Variants in LIPA observed in about 807,000 individuals in gnomAD.
LIPA encodes the protein lysosomal acid lipase/cholesteryl ester hydrolase.
A neutral mutation model predicts 40.6 loss-of-function variants in LIPA; 26 were observed. That is an observed-to-expected ratio of 0.64 (90% confidence interval 0.47 to 0.89). The LOEUF is 0.89. Among genes scored for constraint, LIPA ranks in the 40% least tolerant of loss-of-function variants. The probability of loss-of-function intolerance (pLI) is 0.00; values close to 1 mark genes in which losing one functional copy is unlikely to be tolerated. For missense variants in LIPA, 455 were observed against 479.6 expected (o/e 0.95, Z 0.48); for synonymous variants, 188 against 168.4 (o/e 1.12, Z -0.90).
chr10:89,214,609 G>T lies in LIPA; in HGVS notation c.*219C>A, dbSNP rs1348763728. 1.5e-5 allele frequency: 8 copies of T among 526,268 alleles called. No individual in the cohort carries two copies. The highest frequency in any genetic ancestry group is 2.4e-5 in the Non-Finnish European group (7 of 294,686). 32.6% of individuals were successfully genotyped at this position (526,268 alleles called of 1,614,324 possible). A position where few individuals can be genotyped will look rare whatever the true frequency, so the allele number is the denominator to read the frequency against. On this transcript the variant is annotated 3_prime_UTR_variant, in exon 10 of 10. Transcript: ENST00000336233. ...CTTAAAGAGACAATACTATGGTTGA[G>T]ACACTGGCTTCCTATTCCAGCCCTA...
intron 2 of LIPA, among the ~76,000 whole-genome samples, chr10:89,368,926 T>TCACACACACACA (rs3063812): frequency 6.7e-6 from 1 of 148,706 alleles, no homozygotes. Flanking sequence ...AACACAAAAC[T>TCACACACACACA]CACACACACA....
intron 2 of LIPA, among the ~76,000 whole-genome samples, chr10:89,377,219 T>G (rs939468512): frequency 3.3e-5 from 5 of 152,246 alleles, no homozygotes; most frequent in Non-Finnish European, 5.9e-5. Context: ...GACTCTCTGA[T>G]GGTTGTTGCT....
At chr10:89,341,299 T>C (rs767346581) in intron 1 of LIPA, among the ~76,000 whole-genome samples, 1 of 152,192 alleles carries the variant, frequency 6.6e-6, no homozygotes, top group Non-Finnish European at 1.5e-5. Context: ...AGTGTGAGGC[T>C]GGTCAAAAGG....
At chr10:89,407,610 C>T (rs191242225) in intron 2 of LIPA, among the ~76,000 whole-genome samples, 39 of 152,312 alleles carry the variant, frequency 2.6e-4, no homozygotes, top group African/African-American at 7.0e-4. Context: ...AAAGGCATTA[C>T]GCTTCCAACT....
At chr10:89,236,207 T>A (rs966303791) in intron 3 of LIPA, among the ~76,000 whole-genome samples, 2 of 152,196 alleles carry the variant, frequency 1.3e-5, no homozygotes, top group Non-Finnish European at 2.9e-5. Context: ...AGACCAAACA[T>A]GGTGCCATTG....
chr10:89,259,481 G>A (rs77389023), intron 1 of LIPA, among the ~76,000 whole-genome samples: 16,043 of 152,198 alleles, frequency 0.11, 1,188 homozygotes, highest in Non-Finnish European at 0.16. Context: ...AATGTAAACT[G>A]GTACAATCAC....
intron 1 of LIPA, among the ~76,000 whole-genome samples, chr10:89,275,107 C>T (rs958456362): frequency 1.6e-4 from 25 of 152,134 alleles, no homozygotes; most frequent in African/African-American, 5.6e-4. Context: ...AGAATTTCCT[C>T]GTGTTTTCAG....
rs945201473 is a variant in LIPA at position 89,399,574 on chromosome 10, T to C, written c.61+13217A>G. On this transcript the variant is annotated intron_variant, in intron 2 of 8. Coordinates refer to the LIPA transcript ENST00000371837. ...TATGGCATAAAGTAAGGGTCCAACT[T>C]TACCCTTTTTCATCATATATCCAGC... Among the ~76,000 whole-genome samples the C allele has an allele frequency of 8.3e-4, 124 of 149,458 alleles. 1 individual carries two copies. Among genetic ancestry groups the C allele is most frequent in the African/African-American group, 3.1e-3 (122 of 39,820 alleles).
At chr10:89,264,331 A>G (rs1843224545) in intron 1 of LIPA, among the ~76,000 whole-genome samples, 1 of 152,190 alleles carries the variant, frequency 6.6e-6, no homozygotes, top group East Asian at 1.9e-4. Flanking sequence ...AGCTCTCAGG[A>G]GACCCAAAGT....
chr10:89,313,999 G>C (rs563153869), intron 1 of LIPA, among the ~76,000 whole-genome samples: 1 of 152,262 alleles, frequency 6.6e-6, no homozygotes, highest in African/African-American at 2.4e-5. Flanking sequence ...TAAATGAGTG[G>C]ATTATATGAT....
intron 1 of LIPA, chr10:89,339,048 C>T (rs148538816): frequency 4.0e-4 from 641 of 1,614,118 alleles, no homozygotes; most frequent in Middle Eastern, 4.9e-4. Flanking sequence ...CAAATCCATA[C>T]AGTATTGAGT....
At chr10:89,316,920 C>A (rs951994334) in intron 1 of LIPA, among the ~76,000 whole-genome samples, 82 of 152,192 alleles carry the variant, frequency 5.4e-4, no homozygotes, top group African/African-American at 2.0e-3. Flanking sequence ...CTTTCTGCAG[C>A]CTCCACTGGT....
At chr10:89,279,660 AC>A (rs1333759785) in intron 1 of LIPA, among the ~76,000 whole-genome samples, 11 of 152,214 alleles carry the variant, frequency 7.2e-5, no homozygotes, top group South Asian at 4.1e-4. Flanking sequence ...GAAAATATAA[AC>A]CCACAAACAA....
At chr10:89,398,628 A>G (rs139084776) in intron 2 of LIPA, among the ~76,000 whole-genome samples, 41 of 152,326 alleles carry the variant, frequency 2.7e-4, no homozygotes, top group Admixed American at 5.9e-4. Context: ...GAATCATACA[A>G]TATTGTCCTT....
At chr10:89,304,787 G>A (rs1014965547) in intron 1 of LIPA, among the ~76,000 whole-genome samples, 3 of 151,558 alleles carry the variant, frequency 2.0e-5, no homozygotes, top group African/African-American at 7.3e-5. Flanking sequence ...TTGTTTTTTG[G>A]TTTGGTTGAT....
At chr10:89,297,294 G>A (rs1843420930) in intron 1 of LIPA, among the ~76,000 whole-genome samples, 1 of 152,178 alleles carries the variant, frequency 6.6e-6, no homozygotes, top group Non-Finnish European at 1.5e-5. Context: ...AGTATGGGTG[G>A]TGATTTGGAG....
At chr10:89,338,171 A>G (rs1273274457) in intron 1 of LIPA, 1 of 156,650 alleles carries the variant, frequency 6.4e-6, no homozygotes, top group Admixed American at 6.1e-5. Context: ...ATATAAAGAG[A>G]TTTATTATGA....
rs1406668820 is a variant in LIPA, at chr10:89,275,940, T to G, written c.-1-28291A>C. ...GAGATTATGTTATGATTGCATCTAT[T>G]TTAATACTATCTTTGATGCTGAAGT... On this transcript the variant is annotated intron_variant, in intron 1 of 5. Coordinates refer to the LIPA transcript ENST00000282673. Among the ~76,000 whole-genome samples the G allele has an allele frequency of 3.9e-5, 6 of 152,220 alleles. No homozygotes were observed. In the East Asian group the frequency reaches 9.6e-4, roughly 24 times the overall value.
At chr10:89,412,305 CTG>C (rs1270372710) in intron 2 of LIPA, among the ~76,000 whole-genome samples, 6 of 152,030 alleles carry the variant, frequency 3.9e-5, no homozygotes, top group African/African-American at 1.2e-4. Flanking sequence ...AATCAGCACT[CTG>C]TGTGTAGCTA....
Sources: gnomAD v4.1 joint callset for allele counts (sites outside exome capture counted in the v4.1 genomes callset) on GRCh38, gnomAD v4.1.1 for gene constraint, MANE v1.5 for transcripts, NCBI Gene and HGNC (gene_info 2026-07-23, HGNC 2026-07-21) for gene names.